ARFGEF3: variants seen among roughly 807,000 people sequenced by gnomAD.
ARFGEF3 encodes the protein ARFGEF family member 3.
Under a neutral mutation model 221.7 loss-of-function variants are expected in ARFGEF3, and 96 were observed. That is an observed-to-expected ratio of 0.43 (90% confidence interval 0.37 to 0.51). The LOEUF (loss-of-function observed/expected upper bound fraction) is 0.51, where lower values mean the gene tolerates loss of function less well. Among genes scored for constraint, ARFGEF3 ranks in the 20% least tolerant of loss-of-function variants. The pLI, the probability that ARFGEF3 is intolerant of heterozygous loss-of-function variation, is 0.00. For missense variants in ARFGEF3, 2,410 were observed against 2,789.9 expected (o/e 0.86, Z 3.07); for synonymous variants, 1,145 against 1,126.8 (o/e 1.02, Z -0.32).
rs992031105 is a variant in ARFGEF3, at chr6:138,339,618, A to G, written c.*3132A>G. 1 of 152,216 alleles carries G rather than the reference A, an allele frequency of 6.6e-6. No individual in the cohort carries two copies. The highest frequency in any genetic ancestry group is 2.4e-5 in the African/African-American group (1 of 41,444). The allele number at this position is 152,216 out of a possible 1,614,324, so 9.4% of individuals were successfully genotyped here. On this transcript the variant is annotated 3_prime_UTR_variant, in exon 34 of 34. Transcript: ENST00000251691. Reference sequence around the variant, plus strand: ...AAACATCTGGAAAACTCCAAGTATAAGAGACCCTGGACTGATGATGGCCCA... The same window carrying G: ...AAACATCTGGAAAACTCCAAGTATAGGAGACCCTGGACTGATGATGGCCCA...
At position 138,208,154 on chromosome 6, in the gene ARFGEF3, T is replaced by C. The variant is rs1777657387; in HGVS notation, c.219+1031T>C. 2.0e-5 allele frequency among the ~76,000 whole-genome samples: 3 copies of C among 152,180 alleles called. No homozygotes were observed. In the South Asian group the frequency reaches 6.2e-4, roughly 32 times the overall value. On this transcript the variant is annotated intron_variant, in intron 3 of 33. Coordinates refer to ENST00000251691, the MANE Select transcript of ARFGEF3 (RefSeq NM_020340.5). ...ATTTAGCTTCTCTCTCTTTTTTCTT[T>C]AACCCTGGAATATTCTAAATTGCAG...
rs1017706773 is a variant in ARFGEF3, at chr6:138,263,179, A to G, written c.1696A>G (p.Ser566Gly). 1.2e-6 allele frequency: 2 copies of G among 1,613,918 alleles called. No individual in the cohort carries two copies. Among genetic ancestry groups the G allele is most frequent in the African/African-American group, 1.3e-5 (1 of 74,934 alleles). The change falls in exon 12 of 34, where the codon AGC becomes GGC. Residue 566 changes from serine (S) to glycine (G), a missense_variant. Around this residue, in one of 5 missense-constraint regions of ARFGEF3, gnomAD observed 594 missense variants for 734.3 expected, o/e 0.81. Transcript: ENST00000251691. Reference sequence around the variant, plus strand: ...AGACCAGCCAGATGTCGTGCAGAGAAGCCACACGGTCCCTTACCCTGACAT... The same window carrying G: ...AGACCAGCCAGATGTCGTGCAGAGAGGCCACACGGTCCCTTACCCTGACAT... The part of the protein sequence containing the change: ...AVDQPDVVQR[S>G]HTVPYPDITN...
rs143759850 is a variant in ARFGEF3, at chr6:138,290,566, C to A, written c.3047+598C>A. Among the ~76,000 whole-genome samples, 159 of 152,326 alleles carry A rather than the reference C, an allele frequency of 1.0e-3. 1 individual carries two copies. Among genetic ancestry groups the A allele is most frequent in the African/African-American group, 3.6e-3 (151 of 41,558 alleles). On this transcript the variant is annotated intron_variant, in intron 18 of 33. Transcript: ENST00000251691. ...TGCACAGTGCCTGTAAGATGAAAACCAGCAATAGCTCCAGAGTCCAAGTCC... is the reference window on the plus strand; with the variant it reads ...TGCACAGTGCCTGTAAGATGAAAACAAGCAATAGCTCCAGAGTCCAAGTCC...
At chr6:138,206,941 T>C (rs1777634472) in intron 2 of ARFGEF3, 101 bp from the exon 3 acceptor site, 2 of 774,588 alleles carry the variant, frequency 2.6e-6, no homozygotes, top group Non-Finnish European at 4.4e-6. Flanking sequence ...TTTTTGTGTA[T>C]GTGTGTAGTG....
At position 138,280,060 on chromosome 6, in the gene ARFGEF3, T is replaced by C. The variant is rs749182638; in HGVS notation, c.2357T>C (p.Ile786Thr). The C allele has an allele frequency of 1.2e-6, 2 of 1,613,846 alleles. No individual in the cohort carries two copies. Among genetic ancestry groups the C allele is most frequent in the South Asian group, 2.2e-5 (2 of 91,072 alleles). ...CTGATGGTCTTCTCTCAGGCCTGGA[T>C]TGAGGAGCTCTACCATCAGGTGCTC... is the stretch of plus-strand genomic sequence containing the variant. ...GVLMVFSQAW[I>T]EELYHQVLDR... The change falls in exon 14 of 34, where the codon ATT (isoleucine) becomes ACT (threonine). Residue 786 changes from isoleucine (I) to threonine (T), a missense_variant. By Grantham distance (89) the Ile-to-Thr change is moderately conservative. This residue lies in a region of ARFGEF3 where 594 missense variants were observed against 734.3 expected (regional missense o/e 0.81). Coordinates refer to ENST00000251691, the MANE Select transcript of ARFGEF3 (RefSeq NM_020340.5).
intron 2 of ARFGEF3, among the ~76,000 whole-genome samples, chr6:138,178,422 C>T (rs1335241273): frequency 1.3e-5 from 2 of 152,188 alleles, no homozygotes; most frequent in Non-Finnish European, 2.9e-5. Flanking sequence ...AACATGCAGC[C>T]TTTCTCACTT....
chr6:138,273,113 T>C (rs1011030462), intron 12 of ARFGEF3, among the ~76,000 whole-genome samples: 1 of 152,214 alleles, frequency 6.6e-6, no homozygotes, highest in African/African-American at 2.4e-5. Context: ...AGTTACAGTT[T>C]GACATATGTA....
At chr6:138,251,345 A>C (rs900316013) in intron 8 of ARFGEF3, among the ~76,000 whole-genome samples, 1 of 152,226 alleles carries the variant, frequency 6.6e-6, no homozygotes, top group Non-Finnish European at 1.5e-5. Context: ...GGAGCATTTC[A>C]TAATTTTTCT....
intron 32 of ARFGEF3, among the ~76,000 whole-genome samples, chr6:138,329,342 A>G (rs1485164647): frequency 6.6e-6 from 1 of 152,178 alleles, no homozygotes; most frequent in Non-Finnish European, 1.5e-5. Flanking sequence ...CCAAGGACAC[A>G]CAACTGCAAA....
rs542419881 is a variant in ARFGEF3, at chr6:138,183,922, G to A, written c.137+13209G>A. Among the ~76,000 whole-genome samples the A allele has an allele frequency of 2.1e-4, 32 of 152,242 alleles. No individual in the cohort carries two copies. The East Asian group carries it at 5.0e-3, about 24-fold the overall frequency. On this transcript the variant is annotated intron_variant, in intron 2 of 33. Coordinates refer to ENST00000251691, the MANE Select transcript of ARFGEF3 (RefSeq NM_020340.5). The stretch of plus-strand genomic sequence containing the variant: ...TGAGTGCTCAGCATGTGTCCACGCT[G>A]GGTCTGTCCAGAGGAGGGCATTGCC...
At position 138,286,924 on chromosome 6, in the gene ARFGEF3, C is replaced by T. The variant is rs201101955; in HGVS notation, c.2785+8C>T. 1.3e-4 allele frequency: 214 copies of T among 1,612,006 alleles called. No individual in the cohort carries two copies. Among genetic ancestry groups the T allele is most frequent in the Non-Finnish European group, 1.7e-4 (202 of 1,179,504 alleles). ...GGCTGAGCTGCGCTCTAGGTACCAG[C>T]GGGAGTAGTGTTCCCTGGCCGTGGT... On this transcript the variant is annotated splice_region_variant and intron_variant, in intron 16 of 33. Coordinates refer to ENST00000251691, the MANE Select transcript of ARFGEF3 (RefSeq NM_020340.5).
chr6:138,220,433 A>G (rs1363426846), intron 4 of ARFGEF3, among the ~76,000 whole-genome samples: 6 of 152,098 alleles, frequency 3.9e-5, no homozygotes, highest in African/African-American at 1.2e-4. Context: ...TTATTTTTCT[A>G]TTATTTCCAT....
At chr6:138,317,144 C>G in intron 26 of ARFGEF3, 107 bp from the exon 27 acceptor site, 1 of 1,177,352 alleles carries the variant, frequency 8.5e-7, no homozygotes, top group South Asian at 1.5e-5. Flanking sequence ...TGATGGCTCA[C>G]GTCTGTATAG....
intron 4 of ARFGEF3, among the ~76,000 whole-genome samples, chr6:138,223,121 T>C (rs1377443590): frequency 1.3e-5 from 2 of 152,166 alleles, no homozygotes; most frequent in Admixed American, 1.3e-4. Flanking sequence ...CTTTCAGCAA[T>C]GAACACTCCA....
intron 17 of ARFGEF3, among the ~76,000 whole-genome samples, chr6:138,289,282 C>T (rs773025471): frequency 6.6e-6 from 1 of 152,096 alleles, no homozygotes; most frequent in Non-Finnish European, 1.5e-5. Context: ...ATTTGGAGCT[C>T]ACAAATACAA....
At chr6:138,304,002 A>G (rs1779675548) in intron 22 of ARFGEF3, among the ~76,000 whole-genome samples, 1 of 152,008 alleles carries the variant, frequency 6.6e-6, no homozygotes, top group Non-Finnish European at 1.5e-5. Context: ...CTCAAGGGGT[A>G]TATAACCGAG....
At chr6:138,313,719 T>C in intron 25 of ARFGEF3, 76 bp from the exon 26 acceptor site, 10 of 1,232,678 alleles carry the variant, frequency 8.1e-6, no homozygotes, top group Non-Finnish European at 1.2e-5. Flanking sequence ...TAGTGTATAA[T>C]TTCATTATTC....
intron 4 of ARFGEF3, among the ~76,000 whole-genome samples, chr6:138,213,614 A>G (rs915550677): frequency 1.3e-5 from 2 of 151,906 alleles, no homozygotes; most frequent in African/African-American, 4.8e-5. Context: ...TTTCACTCAC[A>G]TGTGGAATCG....
chr6:138,254,113 A>T (rs1778630463), intron 9 of ARFGEF3, 129 bp downstream of exon 9: 3 of 599,198 alleles, frequency 5.0e-6, no homozygotes, highest in Non-Finnish European at 8.3e-6. Flanking sequence ...TAAATGTCTT[A>T]GAGGGAAAGC....
Sources: allele counts gnomAD v4.1 joint callset (sites outside exome capture counted in the v4.1 genomes callset), GRCh38; gene constraint gnomAD v4.1.1; regional missense constraint gnomAD v4.1.1; transcripts MANE v1.5; gene names NCBI Gene and HGNC (gene_info 2026-07-23, HGNC 2026-07-21).